Variants in CGNL1 observed in about 807,000 individuals in gnomAD.
The protein encoded by CGNL1 is cingulin-like protein 1.
A neutral mutation model predicts 141.2 loss-of-function variants in CGNL1; 132 were observed. The ratio of observed to expected loss-of-function variants is 0.93; its 90% CI spans 0.81 to 1.08. The LOEUF is 1.08. Ranked by LOEUF, CGNL1 falls within the 50% of genes least tolerant of loss-of-function variation. The pLI, the probability that CGNL1 is intolerant of heterozygous loss-of-function variation, is 0.00. For synonymous variants in CGNL1, 690 were observed against 622.1 expected, an observed-to-expected ratio of 1.11 and a Z score of -1.63; for missense variants, 1,870 against 1,588.6, an observed-to-expected ratio of 1.18 and a Z score of -3.01.
intron 1 of CGNL1, chr15:57,402,084 T>C (rs1221502010): frequency 6.6e-6 from 1 of 152,216 alleles, no homozygotes; most frequent in Non-Finnish European, 1.5e-5. Context: ...GGATGTTTTG[T>C]CCCCTGTAAA....
intron 1 of CGNL1, among the ~76,000 whole-genome samples, chr15:57,434,448 T>C (rs1264335402): frequency 6.6e-6 from 1 of 152,168 alleles, no homozygotes; most frequent in Non-Finnish European, 1.5e-5. Context: ...CTGAACATTA[T>C]CACAGAAAGA....
chr15:57,524,794 A>C, intron 12 of CGNL1, 43 bp downstream of exon 12: 1 of 1,592,122 alleles, frequency 6.3e-7, no homozygotes, highest in Non-Finnish European at 8.6e-7. Context: ...CCCTTATTCA[A>C]AGTATCCTTT....
chr15:57,463,235 G>A (rs1293707059), intron 8 of CGNL1, among the ~76,000 whole-genome samples: 2 of 152,132 alleles, frequency 1.3e-5, no homozygotes, highest in Non-Finnish European at 2.9e-5. Context: ...TGGGGTGGGG[G>A]CTATTTATTG....
chr15:57,480,823 T>C (rs1382370475), intron 8 of CGNL1, among the ~76,000 whole-genome samples: 2 of 152,232 alleles, frequency 1.3e-5, no homozygotes, highest in Non-Finnish European at 2.9e-5. Context: ...GTCTGTGAAC[T>C]TGGGGCATTA....
At position 57,532,384 on chromosome 15, in the gene CGNL1, G is replaced by A. The variant is rs79122661; in HGVS notation, c.3291+605G>A. The stretch of plus-strand genomic sequence containing the variant: ...TAGTTAACAGTACCTCTGTTTCCTC[G>A]TGATCTCACTGCTCTCCCCAGATCT... On this transcript the variant is annotated intron_variant, in intron 14 of 18. Coordinates refer to ENST00000281282, the MANE Select transcript of CGNL1 (RefSeq NM_032866.5). 2.2e-4 allele frequency among the ~76,000 whole-genome samples: 33 copies of A among 152,232 alleles called. 1 individual carries two copies. The East Asian group carries it at 5.6e-3, about 26-fold the overall frequency.
At chr15:57,488,484 TCTC>T (rs2063814875) in intron 8 of CGNL1, among the ~76,000 whole-genome samples, 1 of 152,202 alleles carries the variant, frequency 6.6e-6, no homozygotes, top group Non-Finnish European at 1.5e-5. Context: ...ATGAAGACCT[TCTC>T]TTCTTCTGCA....
chr15:57,512,390 T>A (rs943536737), intron 8 of CGNL1, among the ~76,000 whole-genome samples: 3 of 151,972 alleles, frequency 2.0e-5, no homozygotes, highest in Non-Finnish European at 4.4e-5. Flanking sequence ...CATGTGGGGG[T>A]GTGGGGGCAT....
intron 4 of CGNL1, among the ~76,000 whole-genome samples, chr15:57,443,741 C>T (rs1333175435): frequency 6.6e-6 from 1 of 152,186 alleles, no homozygotes; most frequent in African/African-American, 2.4e-5. Flanking sequence ...TTCTTAAAGT[C>T]AGTCCAGTAT....
chr15:57,516,010 T>C (rs1423680314), intron 8 of CGNL1, among the ~76,000 whole-genome samples: 1 of 151,652 alleles, frequency 6.6e-6, no homozygotes, highest in African/African-American at 2.4e-5. Flanking sequence ...TATAAAAAAA[T>C]TAGCCAGGCG....
intron 4 of CGNL1, 149 bp downstream of exon 4, chr15:57,442,627 A>G: frequency 1.9e-6 from 1 of 537,084 alleles, no homozygotes; most frequent in Non-Finnish European, 3.4e-6. Flanking sequence ...TACATGTTGC[A>G]GCAACATTTT....
At chr15:57,413,206 T>TCTGTCTTC (rs2062811000) in intron 1 of CGNL1, among the ~76,000 whole-genome samples, 1 of 128,250 alleles carries the variant, frequency 7.8e-6, no homozygotes, top group Non-Finnish European at 1.6e-5. Flanking sequence ...TTTCTCTCTT[T>TCTGTCTTC]CTCTCTTCCT....
chr15:57,379,479 T>C lies in CGNL1; in HGVS notation c.-16+2912T>C, dbSNP rs554552841. ...GCCCTGGTGGCTTCCTTTTTTTCTT[T>C]GTTTAATTTGCTTGTGCTGATGGGT... is the stretch of plus-strand genomic sequence containing the variant. On this transcript the variant is annotated intron_variant, in intron 1 of 18. Transcript: ENST00000281282. 2.6e-5 allele frequency among the ~76,000 whole-genome samples: 4 copies of C among 152,340 alleles called. No individual in the cohort carries two copies. The South Asian group carries it at 8.3e-4, about 32-fold the overall frequency.
At chr15:57,542,322 T>G (rs1174502669) in intron 14 of CGNL1, among the ~76,000 whole-genome samples, 1 of 152,216 alleles carries the variant, frequency 6.6e-6, no homozygotes, top group East Asian at 1.9e-4. Flanking sequence ...GTTTTCATCC[T>G]TAAGAAGGAA....
Position 57,517,073 on chromosome 15 carries a change from T to C in CGNL1, c.2610+87T>C, listed in dbSNP as rs938472860. On this transcript the variant is annotated intron_variant, in intron 9 of 18. Coordinates refer to ENST00000281282, the MANE Select transcript of CGNL1 (RefSeq NM_032866.5). Reference sequence around the variant, plus strand: ...TGATTTCAAAAGTGGGGAAGGGATTTATTGTCATGATGTAGTAGGAAAGGT... The same window carrying C: ...TGATTTCAAAAGTGGGGAAGGGATTCATTGTCATGATGTAGTAGGAAAGGT... 7 of 1,287,288 alleles carry C rather than the reference T, an allele frequency of 5.4e-6. No homozygotes were observed. In the South Asian group the frequency reaches 7.8e-5, roughly 14 times the overall value. The allele number at this position is 1,287,288 out of a possible 1,614,324, so 79.7% of individuals were successfully genotyped here. A position where few individuals can be genotyped will look rare whatever the true frequency, so the allele number is the denominator to read the frequency against.
intron 1 of CGNL1, among the ~76,000 whole-genome samples, chr15:57,432,220 T>G (rs1223725863): frequency 3.9e-5 from 6 of 152,320 alleles, no homozygotes; most frequent in Admixed American, 2.0e-4. Context: ...TGGTTGCATT[T>G]CCTCCGTAGC....
chr15:57,386,060 C>T (rs367778739), intron 1 of CGNL1, among the ~76,000 whole-genome samples: 1 of 152,234 alleles, frequency 6.6e-6, no homozygotes, highest in Non-Finnish European at 1.5e-5. Context: ...TTATTGATGC[C>T]TCTGGGTTTC....
At chr15:57,529,010 T>G (rs1029115297) in intron 13 of CGNL1, 195 bp downstream of exon 13, 1 of 549,746 alleles carries the variant, frequency 1.8e-6, no homozygotes, top group Non-Finnish European at 3.2e-6. Flanking sequence ...ACATCAGAGC[T>G]AGAAGGAATG....
intron 8 of CGNL1, among the ~76,000 whole-genome samples, chr15:57,484,925 G>GT (rs1233858351): frequency 0.011 from 1,587 of 145,006 alleles, 10 homozygotes; most frequent in African/African-American, 0.02. Flanking sequence ...GTTTCATTGG[G>GT]TTTTTTTTTT....
At position 57,428,700 on chromosome 15, in the gene CGNL1, GA is replaced by G. The variant is rs1295133907; in HGVS notation, c.-15-9276del. 8.7e-3 allele frequency among the ~76,000 whole-genome samples: 1,315 copies of G among 150,888 alleles called. 7 individuals carry two copies. The highest frequency in any genetic ancestry group is 0.013 in the Non-Finnish European group (900 of 67,590). ...GAAGGGAGACAGATTTTTACTGGAG[GA>G]AAAAAAAATGTCTAAAGTAAAGGTC... On this transcript the variant is annotated intron_variant, in intron 1 of 18. Transcript: ENST00000281282.
Sources: gnomAD v4.1 joint callset for allele counts (sites outside exome capture counted in the v4.1 genomes callset) on GRCh38, gnomAD v4.1.1 for gene constraint, MANE v1.5 for transcripts, NCBI Gene and HGNC (gene_info 2026-07-23, HGNC 2026-07-21) for gene names.